Variants in SETD7 observed in about 807,000 individuals in gnomAD.
SETD7 encodes the protein histone-lysine N-methyltransferase SETD7.
In SETD7, 16 loss-of-function variants were observed where a neutral mutation model predicts 41.8. That is an observed-to-expected ratio of 0.38 (90% CI 0.26 to 0.58). The LOEUF (loss-of-function observed/expected upper bound fraction) is 0.58, where lower values mean the gene tolerates loss of function less well. Among genes scored for constraint, SETD7 ranks in the 20% least tolerant of loss-of-function variants. SETD7 has a pLI of 0.64. For missense variants in SETD7, 346 were observed against 459.7 expected (o/e 0.75, Z 2.26); for synonymous variants, 163 against 169.7 (o/e 0.96, Z 0.31).
chr4:139,512,505 C>G (rs1044968682), intron 7 of SETD7, among the ~76,000 whole-genome samples: 1 of 152,160 alleles, frequency 6.6e-6, no homozygotes, highest in Non-Finnish European at 1.5e-5. Flanking sequence ...CTTCCTACAA[C>G]AAGTCCTCTT....
chr4:139,501,051 CA>C (rs1256389026), downstream of SETD7, among the ~76,000 whole-genome samples: 1 of 152,022 alleles, frequency 6.6e-6, no homozygotes, highest in Admixed American at 6.5e-5. Flanking sequence ...CTTTCCCCCA[CA>C]AAAAAATAGC....
Position 139,546,970 on chromosome 4 carries a change from A to G in SETD7, c.120T>C (p.Phe40=). Residue 40 remains phenylalanine (F), a synonymous_variant, in exon 2 of 8, where the codon TTT becomes TTC. Coordinates refer to ENST00000274031, the MANE Select transcript of SETD7 (RefSeq NM_030648.4). The part of the protein sequence containing the change: ...YSSTDRFEGN[F]VHGEKNGRGK... ...CCCGTCCGTTCTTTTCTCCGTGAAC[A>G]AAGTTCCCCTCAAATCTGTCTGTGG... 6.2e-7 allele frequency: 1 copy of G among 1,614,216 alleles called. No homozygotes were observed. The highest frequency in any genetic ancestry group is 8.5e-7 in the Non-Finnish European group (1 of 1,180,046).
intron 1 of SETD7, among the ~76,000 whole-genome samples, chr4:139,551,730 CAATT>C (rs1478223849): frequency 1.3e-5 from 2 of 152,076 alleles, no homozygotes; most frequent in Non-Finnish European, 2.9e-5. Context: ...TAAAAAACAA[CAATT>C]AATAGGCCGG....
In SETD7 at chr4:139,529,079, G is replaced by A. The variant is rs766305788; in HGVS notation, c.514C>T (p.Leu172Phe). ...GGCCTCCCTTCTTCAGTGGACATAA[G>A]GGTAGCCAGTTTGCCTTCTATCATC... ...GEMIEGKLATLMSTEEGRPHF... is the reference protein window; with the variant it reads ...GEMIEGKLATFMSTEEGRPHF... Residue 172 changes from leucine to phenylalanine, a missense_variant, in exon 4 of 8, where the codon CTT becomes TTT. Transcript: ENST00000274031. The A allele has an allele frequency of 6.2e-7, 1 of 1,614,048 alleles. No individual in the cohort carries two copies. Among genetic ancestry groups the A allele is most frequent in the Non-Finnish European group, 8.5e-7 (1 of 1,179,976 alleles).
At chr4:139,539,730 G>T (rs2111162638) in intron 2 of SETD7, among the ~76,000 whole-genome samples, 1 of 152,324 alleles carries the variant, frequency 6.6e-6, no homozygotes, top group South Asian at 2.1e-4. Flanking sequence ...CAATATGATG[G>T]TATTAAGAGG....
chr4:139,518,665 G>GA (rs564803203), intron 6 of SETD7, among the ~76,000 whole-genome samples: 18 of 150,216 alleles, frequency 1.2e-4, no homozygotes, highest in South Asian at 6.3e-4. Context: ...GGAGGCAAAA[G>GA]AAAAAAAAAC....
At chr4:139,525,552 G>A (rs1448740713) in intron 4 of SETD7, among the ~76,000 whole-genome samples, 1 of 152,230 alleles carries the variant, frequency 6.6e-6, no homozygotes, top group Non-Finnish European at 1.5e-5. Flanking sequence ...ACTATGTGGA[G>A]TAGGGCTGAT....
intron 2 of SETD7, among the ~76,000 whole-genome samples, chr4:139,536,492 G>A (rs956950854): frequency 4.6e-5 from 7 of 151,986 alleles, no homozygotes; most frequent in African/African-American, 1.2e-4. Context: ...TAGGTGGATC[G>A]CTTGAGGCCA....
intron 2 of SETD7, among the ~76,000 whole-genome samples, chr4:139,536,266 A>C (rs1419914969): frequency 2.0e-5 from 3 of 152,194 alleles, no homozygotes; most frequent in African/African-American, 7.2e-5. Context: ...TGCTTTCCAT[A>C]ATACATATGG....
chr4:139,513,848 T>C (rs1202936045), intron 7 of SETD7, among the ~76,000 whole-genome samples: 1 of 152,234 alleles, frequency 6.6e-6, no homozygotes, highest in African/African-American at 2.4e-5. Flanking sequence ...ATTCAACTAA[T>C]ATTGGTTACT....
chr4:139,509,748 GTC>G lies in SETD7; in HGVS notation c.*1913_*1914del. The G allele has an allele frequency of 2.0e-6, 2 of 985,452 alleles. No individual in the cohort carries two copies. Among genetic ancestry groups the G allele is most frequent in the South Asian group, 9.4e-5 (2 of 21,286 alleles). The allele number at this position is 985,452 out of a possible 1,614,324, so 61.0% of individuals were successfully genotyped here. On this transcript the variant is annotated 3_prime_UTR_variant, in exon 8 of 8. Coordinates refer to ENST00000274031, the MANE Select transcript of SETD7 (RefSeq NM_030648.4). ...CCCATCCGTCACAGTGTATAGAACG[GTC>G]TCTTTCTACAGAGTAAGAGTGACCC...
At chr4:139,519,506 A>G (rs1475189120) in intron 6 of SETD7, among the ~76,000 whole-genome samples, 2 of 152,248 alleles carry the variant, frequency 1.3e-5, no homozygotes, top group African/African-American at 4.8e-5. Flanking sequence ...CTGACAGACC[A>G]TAGTGCAGTT....
Position 139,529,033 on chromosome 4 carries a change from C to A in SETD7, c.560G>T (p.Gly187Val). The A allele has an allele frequency of 6.2e-7, 1 of 1,613,368 alleles. No homozygotes were observed. Among genetic ancestry groups the A allele is most frequent in the Non-Finnish European group, 8.5e-7 (1 of 1,179,716 alleles). The change falls in exon 4 of 8, where the codon GGA becomes GTA. Residue 187 changes from glycine (G) to valine (V), a missense_variant and splice_region_variant. By Grantham distance (109) the Gly-to-Val change is moderately radical. Around this residue, in one of 3 missense-constraint regions of SETD7, gnomAD observed 266 missense variants for 377.0 expected, o/e 0.71. Transcript: ENST00000274031. ...CATCTGAAGCAGATTCAACTTACTT[C>A]CAGGCATCAGTTCAAAGTGAGGCCT... Reference protein sequence around the residue: ...EGRPHFELMPGNSVYHFDKST... With the variant: ...EGRPHFELMPVNSVYHFDKST...
rs143266167 is a variant in SETD7, at chr4:139,517,890, G to A, written c.915C>T (p.Tyr305=). Residue 305 remains tyrosine (Y), a synonymous_variant, in exon 7 of 8, where the codon TAC becomes TAT. Coordinates refer to ENST00000274031, the MANE Select transcript of SETD7 (RefSeq NM_030648.4). ...CAGCTCTGGGTAATACTTACATATCGTAGATGCAGTTTGGAGTGAAGGAGT... is the reference window on the plus strand; with the variant it reads ...CAGCTCTGGGTAATACTTACATATCATAGATGCAGTTTGGAGTGAAGGAGT... ...ANHSFTPNCI[Y]DMFVHPRFGP... The A allele has an allele frequency of 2.6e-5, 42 of 1,612,988 alleles. 1 individual carries two copies. Among genetic ancestry groups the A allele is most frequent in the South Asian group, 1.2e-4 (11 of 90,910 alleles).
chr4:139,493,190 G>A (rs1246684827), downstream of SETD7, among the ~76,000 whole-genome samples: 2 of 152,222 alleles, frequency 1.3e-5, no homozygotes, highest in Non-Finnish European at 2.9e-5. Context: ...TGGGTGGTAA[G>A]ACAGCAGATA....
intron 2 of SETD7, among the ~76,000 whole-genome samples, chr4:139,540,274 T>G (rs1232052327): frequency 6.6e-6 from 1 of 152,204 alleles, no homozygotes; most frequent in Non-Finnish European, 1.5e-5. Flanking sequence ...GAAAACCTTC[T>G]GTCAATCTTC....
Position 139,511,893 on chromosome 4 carries a change from G to A in SETD7, c.921-50C>T, listed in dbSNP as rs1466723335. Reference sequence around the variant, plus strand: ...ATTCCCGGGCCAGACCAGGAGGTTGGAAGCAAAGGCTAGGGAGGGGCTGAT... The same window carrying A: ...ATTCCCGGGCCAGACCAGGAGGTTGAAAGCAAAGGCTAGGGAGGGGCTGAT... On this transcript the variant is annotated intron_variant, in intron 7 of 7. Coordinates refer to ENST00000274031, the MANE Select transcript of SETD7 (RefSeq NM_030648.4). 10 of 1,568,434 alleles carry A rather than the reference G, an allele frequency of 6.4e-6. No individual in the cohort carries two copies. In the East Asian group the frequency reaches 1.3e-4, roughly 21 times the overall value.
At chr4:139,526,769 C>T (rs1727344658) in intron 4 of SETD7, among the ~76,000 whole-genome samples, 1 of 152,122 alleles carries the variant, frequency 6.6e-6, no homozygotes, top group Admixed American at 6.5e-5. Flanking sequence ...AGTTTAGGCA[C>T]CTGCCACTAA....
intron 2 of SETD7, among the ~76,000 whole-genome samples, chr4:139,536,254 C>T (rs927917819): frequency 6.6e-6 from 1 of 152,196 alleles, no homozygotes; most frequent in African/African-American, 2.4e-5. Context: ...TATATTTTTC[C>T]TTGCTTTCCA....
Sources: gnomAD v4.1 joint callset for allele counts (sites outside exome capture counted in the v4.1 genomes callset) on GRCh38, gnomAD v4.1.1 for gene constraint, gnomAD v4.1.1 regional missense constraint, MANE v1.5 for transcripts, NCBI Gene and HGNC (gene_info 2026-07-23, HGNC 2026-07-21) for gene names.